The following GRIK4 variants were observed in gnomAD, a reference collection of about 807,000 sequenced individuals.
GRIK4 encodes the protein glutamate ionotropic receptor kainate type subunit 4.
A neutral mutation model predicts 104.9 loss-of-function variants in GRIK4; 40 were observed. That is an observed-to-expected ratio of 0.38 (90% CI 0.30 to 0.50). GRIK4 has a LOEUF of 0.50. Ranked by LOEUF, GRIK4 falls within the 20% of genes least tolerant of loss-of-function variation. GRIK4 has a pLI of 0.93. For missense variants in GRIK4, 1,047 were observed against 1,308.1 expected, an observed-to-expected ratio of 0.80 and a Z score of 3.08; for synonymous variants, 485 against 524.9, an observed-to-expected ratio of 0.92 and a Z score of 1.04.
intron 1 of GRIK4, among the ~76,000 whole-genome samples, chr11:120,602,249 A>C (rs898525511): frequency 1.1e-4 from 16 of 152,314 alleles, no homozygotes; most frequent in Admixed American, 9.1e-4. Context: ...AATGATAAAA[A>C]GGTTGAAAAC....
intron 14 of GRIK4, among the ~76,000 whole-genome samples, chr11:120,943,148 ACACCCC>A (rs1354206475): frequency 0.024 from 2,939 of 120,614 alleles, 93 homozygotes; most frequent in African/African-American, 0.1. Context: ...ACACACACAC[ACACCCC>A]CCTGACTGTT....
intron 3 of GRIK4, among the ~76,000 whole-genome samples, chr11:120,752,780 G>A (rs1370559766): frequency 2.0e-5 from 3 of 152,174 alleles, no homozygotes; most frequent in Non-Finnish European, 2.9e-5. Flanking sequence ...GGCTCTGCTC[G>A]AGGGCCACCT....
At chr11:120,639,194 C>CAAAAAAT (rs545465095) in intron 1 of GRIK4, among the ~76,000 whole-genome samples, 4 of 151,810 alleles carry the variant, frequency 2.6e-5, no homozygotes, top group African/African-American at 4.8e-5. Context: ...AACTCCATCT[C>CAAAAAAT]AAAAAATAAA....
chr11:120,650,557 C>A (rs1455120937), intron 1 of GRIK4, among the ~76,000 whole-genome samples: 1 of 152,200 alleles, frequency 6.6e-6, no homozygotes, highest in Non-Finnish European at 1.5e-5. Context: ...GGTCTTCCCT[C>A]CCTGCTGCAC....
At chr11:120,948,396 C>T (rs1229819852) in intron 14 of GRIK4, among the ~76,000 whole-genome samples, 1 of 152,018 alleles carries the variant, frequency 6.6e-6, no homozygotes. Context: ...GGTGACTAAG[C>T]TACAGAGCCC....
chr11:120,785,515 T>C (rs1398026370), intron 3 of GRIK4, among the ~76,000 whole-genome samples: 3 of 152,246 alleles, frequency 2.0e-5, no homozygotes, highest in African/African-American at 7.2e-5. Flanking sequence ...ACTTTACTCA[T>C]ACATTTTGTT....
intron 16 of GRIK4, among the ~76,000 whole-genome samples, chr11:120,958,372 G>A (rs897113563): frequency 6.6e-5 from 10 of 152,236 alleles, no homozygotes; most frequent in African/African-American, 1.7e-4. Context: ...GGGGCTCAGC[G>A]CGAATGCAAG....
chr11:120,705,431 G>T (rs566379685), intron 3 of GRIK4, among the ~76,000 whole-genome samples: 1 of 152,064 alleles, frequency 6.6e-6, no homozygotes, highest in Admixed American at 6.5e-5. Context: ...TCACCATGTT[G>T]GCCAGGCTGG....
intron 1 of GRIK4, among the ~76,000 whole-genome samples, chr11:120,560,552 T>C (rs1444187998): frequency 6.6e-6 from 1 of 152,212 alleles, no homozygotes; most frequent in Admixed American, 6.5e-5. Flanking sequence ...GCTAGACTTA[T>C]ATACAAGTCT....
chr11:120,599,757 T>C (rs759917579), intron 1 of GRIK4, among the ~76,000 whole-genome samples: 1 of 152,206 alleles, frequency 6.6e-6, no homozygotes, highest in Non-Finnish European at 1.5e-5. Flanking sequence ...AAACTCTCCT[T>C]TCAGCAGGGA....
chr11:120,845,724 A>C (rs1953835780), intron 8 of GRIK4, among the ~76,000 whole-genome samples: 1 of 152,192 alleles, frequency 6.6e-6, no homozygotes, highest in Admixed American at 6.5e-5. Context: ...TTCTAGTGCC[A>C]GAGCAATTGA....
chr11:120,847,559 A>T (rs947960872), intron 8 of GRIK4, among the ~76,000 whole-genome samples: 3 of 152,178 alleles, frequency 2.0e-5, no homozygotes, highest in African/African-American at 7.2e-5. Context: ...TAAGTGGGGG[A>T]TACACACAGT....
chr11:120,518,674 A>G (rs1008645771), intron 1 of GRIK4, among the ~76,000 whole-genome samples: 4 of 152,102 alleles, frequency 2.6e-5, no homozygotes, highest in Admixed American at 6.5e-5. Flanking sequence ...GCAGAGTGCA[A>G]TGTGCGCGAC....
At chr11:120,540,861 C>T (rs186305661) in intron 1 of GRIK4, among the ~76,000 whole-genome samples, 15 of 152,242 alleles carry the variant, frequency 9.9e-5, no homozygotes, top group African/African-American at 3.6e-4. Flanking sequence ...CCTGTAATCC[C>T]AGCACTTTGG....
chr11:120,767,641 T>C (rs1276312143), intron 3 of GRIK4, among the ~76,000 whole-genome samples: 4 of 152,152 alleles, frequency 2.6e-5, no homozygotes, highest in African/African-American at 9.7e-5. Context: ...GTCAAGGAGC[T>C]TTTTCTTTGT....
intron 3 of GRIK4, among the ~76,000 whole-genome samples, chr11:120,784,266 G>A (rs1037540613): frequency 1.3e-5 from 2 of 152,136 alleles, no homozygotes; most frequent in Admixed American, 6.5e-5. Context: ...CCCTGTACTG[G>A]CTCCTTCCCT....
intron 18 of GRIK4, among the ~76,000 whole-genome samples, chr11:120,966,523 C>T (rs1477914078): frequency 6.6e-6 from 1 of 152,130 alleles, no homozygotes; most frequent in Non-Finnish European, 1.5e-5. Flanking sequence ...AGGTGCGCAC[C>T]ATCACACCCA....
At chr11:120,678,360 AG>A (rs140127586) in intron 3 of GRIK4, among the ~76,000 whole-genome samples, 1,559 of 152,364 alleles carry the variant, frequency 0.01, 22 homozygotes, top group African/African-American at 0.031. Flanking sequence ...GGTGCTCAGA[AG>A]GGCCAAGTCT....
chr11:120,655,248 T>C (rs1001379090), intron 2 of GRIK4, among the ~76,000 whole-genome samples: 9 of 151,712 alleles, frequency 5.9e-5, no homozygotes, highest in African/African-American at 1.9e-4. Flanking sequence ...GCTGATGAGC[T>C]GAACCTGGAA....
Sources: allele counts gnomAD v4.1 joint callset (sites outside exome capture counted in the v4.1 genomes callset), GRCh38; gene constraint gnomAD v4.1.1; transcripts MANE v1.5; gene names NCBI Gene and HGNC (gene_info 2026-07-23, HGNC 2026-07-21).